ABCC9: variants seen among roughly 807,000 people sequenced by gnomAD.
ABCC9 encodes ATP binding cassette subfamily C member 9.
ABCC9 carries 95 observed loss-of-function variants against 188.3 expected under a neutral mutation model. That is an observed-to-expected ratio of 0.50 (90% CI 0.43 to 0.60). ABCC9 has a LOEUF of 0.60. Ranked by LOEUF, ABCC9 falls within the 20% of genes least tolerant of loss-of-function variation. The pLI is 0.00. For missense variants in ABCC9, 1,102 were observed against 1,876.3 expected (o/e 0.59, Z 7.62); for synonymous variants, 659 against 652.7 (o/e 1.01, Z -0.15).
At chr12:21,832,690 C>T (rs1427073529) in intron 30 of ABCC9, among the ~76,000 whole-genome samples, 1 of 151,806 alleles carries the variant, frequency 6.6e-6, no homozygotes, top group African/African-American at 2.4e-5. Context: ...TAAACCAGTG[C>T]AATCACTATG....
intron 5 of ABCC9, among the ~76,000 whole-genome samples, chr12:21,921,746 GTACA>G (rs1948827574): frequency 6.6e-6 from 1 of 151,954 alleles, no homozygotes; most frequent in Admixed American, 6.6e-5. Context: ...TTTTGTTTTT[GTACA>G]TGGTGAGAGA....
intron 11 of ABCC9, among the ~76,000 whole-genome samples, chr12:21,907,068 A>G (rs936478885): frequency 1.3e-5 from 2 of 152,240 alleles, no homozygotes; most frequent in East Asian, 3.9e-4. Flanking sequence ...CAAAAGTAGC[A>G]AACAGCCTGG....
At chr12:21,822,028 TG>T (rs1391228244) in intron 31 of ABCC9, among the ~76,000 whole-genome samples, 3 of 152,174 alleles carry the variant, frequency 2.0e-5, no homozygotes, top group Non-Finnish European at 2.9e-5. Flanking sequence ...ATATTATTTT[TG>T]ACCCGGTCTT....
At chr12:21,898,590 C>T (rs2137773722) in intron 12 of ABCC9, among the ~76,000 whole-genome samples, 1 of 152,188 alleles carries the variant, frequency 6.6e-6, no homozygotes, top group Non-Finnish European at 1.5e-5. Flanking sequence ...TCTTTAAACT[C>T]TAAAGGAGTT....
At chr12:21,817,763 C>T (rs1942740662) in intron 32 of ABCC9, among the ~76,000 whole-genome samples, 1 of 152,012 alleles carries the variant, frequency 6.6e-6, no homozygotes, top group Admixed American at 6.6e-5. Context: ...GGTTTGGGCC[C>T]CAATCTACTA....
At chr12:21,873,541 T>G (rs532732571) in intron 17 of ABCC9, among the ~76,000 whole-genome samples, 14 of 152,258 alleles carry the variant, frequency 9.2e-5, no homozygotes, top group African/African-American at 3.1e-4. Context: ...CCCTACAGCA[T>G]TTTTTACAGA....
At chr12:21,935,403 A>G (rs1271791976) in intron 3 of ABCC9, among the ~76,000 whole-genome samples, 2 of 152,136 alleles carry the variant, frequency 1.3e-5, no homozygotes, top group Non-Finnish European at 2.9e-5. Context: ...TGGCCTGTGT[A>G]TATACCATAT....
At chr12:21,925,304 T>C (rs1279623771) in intron 5 of ABCC9, 1 of 508,042 alleles carries the variant, frequency 2.0e-6, no homozygotes, top group East Asian at 3.0e-5. Flanking sequence ...ATTAGGAATA[T>C]TTTAGAGAGC....
chr12:21,824,283 T>G (rs1325220838), intron 31 of ABCC9, among the ~76,000 whole-genome samples: 2 of 152,210 alleles, frequency 1.3e-5, no homozygotes, highest in Non-Finnish European at 2.9e-5. Flanking sequence ...GTTGATGTGA[T>G]GGATTACGTT....
rs1200815167 is a variant in ABCC9 at position 21,875,556 on chromosome 12, T to G, written c.2092+98A>C. The stretch of plus-strand genomic sequence containing the variant: ...AATAGGTAATCATAAATAATATTTA[T>G]GTCTTTAAAAAGTATCTTTTTGTTA... On this transcript the variant is annotated intron_variant, in intron 17 of 39. Transcript: ENST00000261200. 6.8e-6 allele frequency: 6 copies of G among 881,426 alleles called. No homozygotes were observed. The Admixed American group carries it at 1.0e-4, about 15-fold the overall frequency. The allele number at this position is 881,426 out of a possible 1,614,324, so 54.6% of individuals were successfully genotyped here.
chr12:21,849,920 ATT>A (rs1165080602), intron 24 of ABCC9, among the ~76,000 whole-genome samples: 1 of 151,990 alleles, frequency 6.6e-6, no homozygotes, highest in African/African-American at 2.4e-5. Flanking sequence ...TGTAGTTTTC[ATT>A]ACTATCTATC....
chr12:21,852,319 T>G lies in ABCC9; in HGVS notation c.2643+49A>C, dbSNP rs1374708197. 15 of 1,612,546 alleles carry G rather than the reference T, an allele frequency of 9.3e-6. No individual in the cohort carries two copies. The South Asian group carries it at 1.6e-4, about 18-fold the overall frequency. ...GAAAGCATTTTTTACTGTCTCTATT[T>G]ATATGACTATAATATAAAAATGAGC... On this transcript the variant is annotated intron_variant, in intron 23 of 39. Coordinates refer to ENST00000261200, the MANE Select transcript of ABCC9 (RefSeq NM_020297.4).
chr12:21,916,325 G>A (rs1250448641), intron 6 of ABCC9, among the ~76,000 whole-genome samples: 1 of 152,102 alleles, frequency 6.6e-6, no homozygotes, highest in Non-Finnish European at 1.5e-5. Context: ...CACATGCATT[G>A]CAGCATATAT....
chr12:21,901,154 A>G (rs1008864471), intron 12 of ABCC9, among the ~76,000 whole-genome samples: 4 of 152,240 alleles, frequency 2.6e-5, no homozygotes, highest in African/African-American at 7.2e-5. Context: ...AATATTTGAC[A>G]TTCTTAAAGT....
intron 6 of ABCC9, 121 bp downstream of exon 6, chr12:21,916,816 A>G: frequency 1.2e-6 from 1 of 829,494 alleles, no homozygotes; most frequent in Non-Finnish European, 1.8e-6. Flanking sequence ...CTTTATATTT[A>G]TATATATAAA....
At chr12:21,927,623 A>G (rs1949093629) in intron 4 of ABCC9, among the ~76,000 whole-genome samples, 1 of 152,190 alleles carries the variant, frequency 6.6e-6, no homozygotes, top group Non-Finnish European at 1.5e-5. Flanking sequence ...AGATTTTAAG[A>G]GGATGAGCAG....
Position 21,810,448 on chromosome 12 carries a change from C to T in ABCC9, c.4212-493G>A, listed in dbSNP as rs866131029. On this transcript the variant is annotated intron_variant, in intron 36 of 39. Coordinates refer to ENST00000261200, the MANE Select transcript of ABCC9 (RefSeq NM_020297.4). ...TTTATAAAGAAAGAGGTTTAATTGACTTGCAGTTCTGCAGGGCTGGGGAGG... is the reference window on the plus strand; with the variant it reads ...TTTATAAAGAAAGAGGTTTAATTGATTTGCAGTTCTGCAGGGCTGGGGAGG... Among the ~76,000 whole-genome samples, 10 of 152,282 alleles carry T rather than the reference C, an allele frequency of 6.6e-5. No homozygotes were observed. The South Asian group carries it at 1.0e-3, about 16-fold the overall frequency.
At chr12:21,932,926 T>C in intron 4 of ABCC9, among the ~76,000 whole-genome samples, 1 of 151,336 alleles carries the variant, frequency 6.6e-6, no homozygotes, top group East Asian at 1.9e-4. Context: ...GACACAAGCA[T>C]GCATGCATAT....
intron 5 of ABCC9, among the ~76,000 whole-genome samples, chr12:21,918,295 A>G (rs904293016): frequency 6.6e-6 from 1 of 152,124 alleles, no homozygotes; most frequent in Admixed American, 6.6e-5. Context: ...GATTTAGAAG[A>G]TGTATTAGAA....
Sources: allele counts gnomAD v4.1 joint callset (sites outside exome capture counted in the v4.1 genomes callset), GRCh38; gene constraint gnomAD v4.1.1; transcripts MANE v1.5; gene names NCBI Gene and HGNC (gene_info 2026-07-23, HGNC 2026-07-21).